The following UNC5B variants were observed in gnomAD, a reference collection of about 807,000 sequenced individuals.
The protein encoded by UNC5B is unc-5 netrin receptor B.
A neutral mutation model predicts 103.7 loss-of-function variants in UNC5B; 56 were observed. The observed-to-expected ratio is 0.54, with a 90% CI of 0.44 to 0.67. The LOEUF (loss-of-function observed/expected upper bound fraction) is 0.67, where lower values mean the gene tolerates loss of function less well. UNC5B is among the 30% of genes least tolerant of loss of function. The pLI, the probability that UNC5B is intolerant of heterozygous loss-of-function variation, is 0.00. For synonymous variants in UNC5B, 577 were observed against 542.0 expected, an observed-to-expected ratio of 1.06 and a Z score of -0.90; for missense variants, 1,194 against 1,284.5, an observed-to-expected ratio of 0.93 and a Z score of 1.08.
At chr10:71,232,679 T>C (rs147433614) in intron 1 of UNC5B, among the ~76,000 whole-genome samples, 15 of 152,366 alleles carry the variant, frequency 9.8e-5, no homozygotes, top group African/African-American at 3.4e-4. Flanking sequence ...TTACTGCCGA[T>C]TTATTAGTTG....
intron 1 of UNC5B, among the ~76,000 whole-genome samples, chr10:71,270,925 C>T (rs866970119): frequency 1.3e-5 from 2 of 152,242 alleles, no homozygotes; most frequent in Non-Finnish European, 2.9e-5. Flanking sequence ...CTGAGAAAGG[C>T]ACTGTGGTCC....
At chr10:71,266,964 C>G (rs1844537679) in intron 1 of UNC5B, among the ~76,000 whole-genome samples, 1 of 152,006 alleles carries the variant, frequency 6.6e-6, no homozygotes, top group African/African-American at 2.4e-5. Flanking sequence ...CTGTATACAC[C>G]ATCCGTCACT....
chr10:71,261,245 G>T (rs969659298), intron 1 of UNC5B, among the ~76,000 whole-genome samples: 2 of 152,202 alleles, frequency 1.3e-5, no homozygotes, highest in Non-Finnish European at 2.9e-5. Context: ...GAGATGGGGA[G>T]GGGGTGGAAT....
At chr10:71,290,085 T>C (rs554687331) in intron 8 of UNC5B, among the ~76,000 whole-genome samples, 2 of 152,354 alleles carry the variant, frequency 1.3e-5, no homozygotes, top group East Asian at 1.9e-4. Flanking sequence ...TTCAAACTTA[T>C]ACTTAGCTTA....
intron 1 of UNC5B, among the ~76,000 whole-genome samples, chr10:71,275,712 G>A (rs148334306): frequency 6.6e-6 from 1 of 151,866 alleles, no homozygotes; most frequent in African/African-American, 2.4e-5. Context: ...CAACTCATAG[G>A]CTTGTGGTTC....
At chr10:71,288,297 C>T (rs370038767) in intron 6 of UNC5B, among the ~76,000 whole-genome samples, 6 of 152,308 alleles carry the variant, frequency 3.9e-5, no homozygotes, top group East Asian at 3.9e-4. Context: ...GTGTGTAAAT[C>T]GTGCACTGGG....
At chr10:71,259,487 G>A (rs1308233056) in intron 1 of UNC5B, among the ~76,000 whole-genome samples, 2 of 152,042 alleles carry the variant, frequency 1.3e-5, no homozygotes, top group African/African-American at 4.8e-5. Flanking sequence ...ATAAGAGAAT[G>A]TGTTCTGTTC....
In UNC5B at chr10:71,213,211, C is replaced by T. The variant is rs562287728; in HGVS notation, c.79+147C>T. On this transcript the variant is annotated intron_variant, in intron 1 of 16. Coordinates refer to ENST00000335350, the MANE Select transcript of UNC5B (RefSeq NM_170744.5). The surrounding 1 kb of genome is among the most constrained non-coding windows in gnomAD (Gnocchi z 4.1). ...GTTAGAATGTAGATTTTACTGCCTC[C>T]CAAAGTGGGCAATGGCGCATCCACA... 46 of 593,696 alleles carry T rather than the reference C, an allele frequency of 7.7e-5. No individual in the cohort carries two copies. The highest frequency in any genetic ancestry group is 1.0e-4 in the Non-Finnish European group (41 of 403,716). 36.8% of individuals were successfully genotyped at this position (593,696 alleles called of 1,614,324 possible). A position where few individuals can be genotyped will look rare whatever the true frequency, so the allele number is the denominator to read the frequency against.
intron 1 of UNC5B, among the ~76,000 whole-genome samples, chr10:71,235,224 C>G (rs961941055): frequency 6.6e-6 from 1 of 152,212 alleles, no homozygotes; most frequent in Admixed American, 6.5e-5. Flanking sequence ...GACAGCCCCT[C>G]GCTAGGGGAG....
chr10:71,283,229 G>A (rs1352789927), intron 2 of UNC5B, among the ~76,000 whole-genome samples: 1 of 152,176 alleles, frequency 6.6e-6, no homozygotes, highest in East Asian at 1.9e-4. Flanking sequence ...CTTGGTGCCT[G>A]CCACCTACCC....
chr10:71,241,575 C>T (rs985072490), intron 1 of UNC5B, among the ~76,000 whole-genome samples: 8 of 152,108 alleles, frequency 5.3e-5, no homozygotes, highest in African/African-American at 1.7e-4. Context: ...ATGTGCTTAT[C>T]GGGCACATCT....
chr10:71,239,665 A>G (rs1280308807), intron 1 of UNC5B, among the ~76,000 whole-genome samples: 1 of 152,162 alleles, frequency 6.6e-6, no homozygotes, highest in Non-Finnish European at 1.5e-5. Flanking sequence ...TCTGTTCAGC[A>G]GTGCAAGAGC....
chr10:71,276,746 G>C (rs1222140330), intron 1 of UNC5B, among the ~76,000 whole-genome samples: 1 of 152,168 alleles, frequency 6.6e-6, no homozygotes, highest in South Asian at 2.1e-4. Flanking sequence ...CTCCCTTACT[G>C]AAGTTGCATT....
At chr10:71,215,671 T>G (rs535744848) in intron 1 of UNC5B, among the ~76,000 whole-genome samples, 2 of 152,318 alleles carry the variant, frequency 1.3e-5, no homozygotes, top group African/African-American at 4.8e-5. Flanking sequence ...CACCCCACCT[T>G]TCAGCCCTTC....
chr10:71,276,923 G>T (rs7081019), intron 1 of UNC5B, among the ~76,000 whole-genome samples: 34 of 152,182 alleles, frequency 2.2e-4, no homozygotes, highest in African/African-American at 7.9e-4. Context: ...AGAGCCATCC[G>T]GTACTGCTGC....
chr10:71,302,610 G>C lies in UNC5B; in HGVS notation c.*3333G>C, dbSNP rs962111005. Reference sequence around the variant, plus strand: ...GTCCCTATTCCCCAGCTCCTAGGCAGCTGAGCCGGGTCCCTTAGGGGAGGT... The same window carrying C: ...GTCCCTATTCCCCAGCTCCTAGGCACCTGAGCCGGGTCCCTTAGGGGAGGT... On this transcript the variant is annotated 3_prime_UTR_variant, in exon 17 of 17. Coordinates refer to ENST00000335350, the MANE Select transcript of UNC5B (RefSeq NM_170744.5). 6.6e-6 allele frequency: 1 copy of C among 151,410 alleles called. No homozygotes were observed. Among genetic ancestry groups the C allele is most frequent in the Non-Finnish European group, 1.5e-5 (1 of 68,006 alleles). The allele number at this position is 151,410 out of a possible 1,614,324, so 9.4% of individuals were successfully genotyped here. A position where few individuals can be genotyped will look rare whatever the true frequency, so the allele number is the denominator to read the frequency against.
In UNC5B at chr10:71,242,811, G is replaced by A. The variant is rs562831424; in HGVS notation, c.79+29747G>A. 2.0e-5 allele frequency among the ~76,000 whole-genome samples: 3 copies of A among 152,322 alleles called. No homozygotes were observed. The South Asian group carries it at 6.2e-4, about 32-fold the overall frequency. The stretch of plus-strand genomic sequence containing the variant: ...GTCTTTATGATGCCTGGGTGAGGGA[G>A]ACGGGGCCACGGTGTCACTCTCTCT... On this transcript the variant is annotated intron_variant, in intron 1 of 16. Coordinates refer to ENST00000335350, the MANE Select transcript of UNC5B (RefSeq NM_170744.5).
At position 71,298,019 on chromosome 10, in the gene UNC5B, C is replaced by T; in HGVS notation, c.2601C>T (p.Cys867=). 4 of 1,614,016 alleles carry T rather than the reference C, an allele frequency of 2.5e-6. No individual in the cohort carries two copies. Among genetic ancestry groups the T allele is most frequent in the Non-Finnish European group, 3.4e-6 (4 of 1,180,030 alleles). ...KIPLSIRQKI[C]NSLDAPNSRG... Reference sequence around the variant, plus strand: ...CACTGTCCATCCGCCAGAAGATATGCAACAGCCTAGATGCCCCCAACTCAC... The same window carrying T: ...CACTGTCCATCCGCCAGAAGATATGTAACAGCCTAGATGCCCCCAACTCAC... Residue 867 remains cysteine (C), a synonymous_variant, in exon 16 of 17, where the codon TGC becomes TGT. Transcript: ENST00000335350.
At chr10:71,258,374 A>T (rs1451370973) in intron 1 of UNC5B, among the ~76,000 whole-genome samples, 1 of 152,194 alleles carries the variant, frequency 6.6e-6, no homozygotes, top group East Asian at 1.9e-4. Flanking sequence ...CAGGACAGAA[A>T]GAGAGGGCTC....
Sources: gnomAD v4.1 joint callset for allele counts (sites outside exome capture counted in the v4.1 genomes callset) on GRCh38, gnomAD v4.1.1 for gene constraint, Gnocchi (gnomAD v3.1) non-coding constraint, MANE v1.5 for transcripts, NCBI Gene and HGNC (gene_info 2026-07-23, HGNC 2026-07-21) for gene names.